Variants in FBN1 observed in about 807,000 individuals in gnomAD.
The protein encoded by FBN1 is fibrillin 1, also known as fibrillin-1.
Under a neutral mutation model 365.1 loss-of-function variants are expected in FBN1, and 29 were observed. The ratio of observed to expected loss-of-function variants is 0.08; its 90% CI spans 0.06 to 0.11. The LOEUF (loss-of-function observed/expected upper bound fraction) is 0.11. Among genes scored for constraint, FBN1 ranks in the 10% least tolerant of loss-of-function variants. The pLI, the probability that FBN1 is intolerant of heterozygous loss-of-function variation, is 1.00. For synonymous variants in FBN1, 1,210 were observed against 1,270.5 expected (o/e 0.95, Z 1.01); for missense variants, 2,476 against 3,703.2 (o/e 0.67, Z 8.60).
intron 12 of FBN1, among the ~76,000 whole-genome samples, chr15:48,514,780 T>C (rs1424961254): frequency 6.6e-6 from 1 of 152,212 alleles, no homozygotes; most frequent in Non-Finnish European, 1.5e-5. Context: ...TAAATTGGAG[T>C]TACCAGAAAT....
intron 4 of FBN1, among the ~76,000 whole-genome samples, chr15:48,604,874 T>C (rs1459338687): frequency 1.3e-5 from 2 of 152,222 alleles, no homozygotes; most frequent in African/African-American, 4.8e-5. Context: ...AGAATTGTTC[T>C]GCTGGCCTTC....
At chr15:48,603,495 G>A (rs1283585847) in intron 4 of FBN1, among the ~76,000 whole-genome samples, 1 of 152,178 alleles carries the variant, frequency 6.6e-6, no homozygotes, top group East Asian at 1.9e-4. Flanking sequence ...TGTACACGCA[G>A]GAAATAGTTT....
At chr15:48,492,210 C>T (rs1181537135) in intron 24 of FBN1, among the ~76,000 whole-genome samples, 2 of 152,008 alleles carry the variant, frequency 1.3e-5, no homozygotes, top group Non-Finnish European at 2.9e-5. Context: ...CATATGGGGC[C>T]GATTTAAGAG....
Position 48,546,612 on chromosome 15 carries a change from A to G in FBN1, c.539-8804T>C, listed in dbSNP as rs551843222. On this transcript the variant is annotated intron_variant, in intron 6 of 65. Transcript: ENST00000316623. ...TGGATTATGCAGGACATCTCGGGAT[A>G]TGATGAGGAGTCTGGATCTGGCTCA... Among the ~76,000 whole-genome samples the G allele has an allele frequency of 2.0e-5, 3 of 152,326 alleles. No individual in the cohort carries two copies. In the East Asian group the frequency reaches 5.8e-4, roughly 29 times the overall value.
intron 6 of FBN1, among the ~76,000 whole-genome samples, chr15:48,587,885 A>G (rs1328031621): frequency 1.3e-5 from 2 of 152,184 alleles, no homozygotes; most frequent in African/African-American, 4.8e-5. Context: ...TTCTACTAAG[A>G]CAGAGAACCT....
At chr15:48,606,243 A>G (rs1388387357) in intron 4 of FBN1, among the ~76,000 whole-genome samples, 1 of 152,222 alleles carries the variant, frequency 6.6e-6, no homozygotes, top group Non-Finnish European at 1.5e-5. Context: ...CCCAGAGAAC[A>G]TAAGATTTGT....
chr15:48,624,854 G>A, intron 2 of FBN1, among the ~76,000 whole-genome samples: 1 of 152,276 alleles, frequency 6.6e-6, no homozygotes, highest in East Asian at 1.9e-4. Flanking sequence ...GCCGGCCAGA[G>A]GCGGAGCCGG....
intron 43 of FBN1, among the ~76,000 whole-genome samples, chr15:48,458,858 G>A (rs1329401798): frequency 6.6e-6 from 1 of 152,096 alleles, no homozygotes; most frequent in Admixed American, 6.6e-5. Context: ...ATAAAACAAA[G>A]TTTTTCAGTC....
At chr15:48,590,401 C>T (rs1314287486) in intron 6 of FBN1, among the ~76,000 whole-genome samples, 1 of 152,204 alleles carries the variant, frequency 6.6e-6, no homozygotes, top group Non-Finnish European at 1.5e-5. Flanking sequence ...TTTCCATTCA[C>T]TAGACACAGT....
chr15:48,504,415 T>C (rs555160379), intron 16 of FBN1, among the ~76,000 whole-genome samples: 6 of 152,334 alleles, frequency 3.9e-5, no homozygotes, highest in East Asian at 1.9e-4. Context: ...GTTTAATCTG[T>C]AAAAGGTTCG....
At chr15:48,471,410 T>C (rs953330258) in intron 35 of FBN1, among the ~76,000 whole-genome samples, 5 of 152,142 alleles carry the variant, frequency 3.3e-5, no homozygotes, top group African/African-American at 1.2e-4. Context: ...CCTTCTCTTA[T>C]AGCAATAAGA....
At chr15:48,540,595 A>G (rs922420175) in intron 6 of FBN1, among the ~76,000 whole-genome samples, 19 of 152,176 alleles carry the variant, frequency 1.2e-4, no homozygotes, top group African/African-American at 4.3e-4. Context: ...TTCAGTGTAC[A>G]TTACAATGAA....
In FBN1 at chr15:48,436,975, C is replaced by A; in HGVS notation, c.6482G>T (p.Gly2161Val). ...TTATTACTCACCTACACATTCATTCCCTGCTAGAATATAACCAAAGGGACA... is the reference window on the plus strand; with the variant it reads ...TTATTACTCACCTACACATTCATTCACTGCTAGAATATAACCAAAGGGACA... Reference protein sequence around the residue: ...CECPFGYILAGNECVDTDECS... With the variant: ...CECPFGYILAVNECVDTDECS... The change falls in exon 53 of 66, where the codon GGG (glycine) becomes GTG (valine). Residue 2161 changes from glycine to valine, a missense_variant. Around this residue, in one of 5 missense-constraint regions of FBN1, gnomAD observed 1,780 missense variants for 2,840.8 expected, o/e 0.63. Coordinates refer to ENST00000316623, the MANE Select transcript of FBN1 (RefSeq NM_000138.5). The A allele has an allele frequency of 6.2e-7, 1 of 1,600,068 alleles. No individual in the cohort carries two copies. Among genetic ancestry groups the A allele is most frequent in the Non-Finnish European group, 8.6e-7 (1 of 1,167,492 alleles).
chr15:48,438,222 C>G (rs2043088024), intron 50 of FBN1, among the ~76,000 whole-genome samples: 1 of 152,162 alleles, frequency 6.6e-6, no homozygotes, highest in Non-Finnish European at 1.5e-5. Flanking sequence ...AAACTGACAT[C>G]TGTCAGTGAC....
At chr15:48,425,311 A>G in intron 60 of FBN1, 58 bp downstream of exon 60, 1 of 1,613,342 alleles carries the variant, frequency 6.2e-7, no homozygotes, top group Non-Finnish European at 8.5e-7. Flanking sequence ...CTTACAGGCA[A>G]AGGAATGCAG....
intron 54 of FBN1, among the ~76,000 whole-genome samples, chr15:48,434,019 T>A (rs2043043715): frequency 6.6e-6 from 1 of 152,192 alleles, no homozygotes; most frequent in Admixed American, 6.6e-5. Context: ...GTGATGCTGA[T>A]ACAGCTGCTC....
At chr15:48,440,947 AAAC>A (rs1212297918) in intron 50 of FBN1, among the ~76,000 whole-genome samples, 1 of 151,208 alleles carries the variant, frequency 6.6e-6, no homozygotes, top group African/African-American at 2.4e-5. Flanking sequence ...AGTAACAACC[AAAC>A]AACAAAAGCT....
intron 65 of FBN1, 97 bp downstream of exon 65, chr15:48,412,472 C>G (rs1020250586): frequency 4.5e-6 from 6 of 1,337,948 alleles, no homozygotes; most frequent in Non-Finnish European, 6.4e-6. Context: ...CCCTGGGGAG[C>G]TTTTTCACAC....
At chr15:48,442,287 C>T (rs2043122058) in intron 49 of FBN1, among the ~76,000 whole-genome samples, 1 of 152,168 alleles carries the variant, frequency 6.6e-6, no homozygotes, top group African/African-American at 2.4e-5. Context: ...TCCAAATTTA[C>T]TCCCCTCCAA....
Sources: gnomAD v4.1 joint callset for allele counts (sites outside exome capture counted in the v4.1 genomes callset) on GRCh38, gnomAD v4.1.1 for gene constraint, gnomAD v4.1.1 regional missense constraint, MANE v1.5 for transcripts, NCBI Gene and HGNC (gene_info 2026-07-23, HGNC 2026-07-21) for gene names.